The following NCALD variants were observed in gnomAD, a reference collection of about 807,000 sequenced individuals.
NCALD encodes neurocalcin-delta.
A neutral mutation model predicts 18.6 loss-of-function variants in NCALD; 10 were observed. That is an observed-to-expected ratio of 0.54 (90% CI 0.33 to 0.91). The LOEUF (loss-of-function observed/expected upper bound fraction) is 0.91, where lower values mean the gene tolerates loss of function less well. Among genes scored for constraint, NCALD ranks in the 40% least tolerant of loss-of-function variants. NCALD has a pLI of 0.03. For missense variants in NCALD, 184 were observed against 247.6 expected (o/e 0.74, Z 1.72); for synonymous variants, 88 against 87.4 (o/e 1.01, Z -0.04).
chr8:102,100,008 G>GAAAAAGAAAAAT (rs1197497475), intron 1 of NCALD, among the ~76,000 whole-genome samples: 1 of 147,888 alleles, frequency 6.8e-6, no homozygotes, highest in African/African-American at 2.5e-5. Context: ...AGAAGAAGAA[G>GAAAAAGAAAAAT]AAAAAGAAAT....
intron 4 of NCALD, among the ~76,000 whole-genome samples, chr8:101,859,998 GTTA>G (rs888415373): frequency 1.3e-5 from 2 of 152,178 alleles, no homozygotes; most frequent in Admixed American, 6.5e-5. Context: ...TACATGATAG[GTTA>G]TTATTTTTTA....
intron 1 of NCALD, among the ~76,000 whole-genome samples, chr8:101,784,042 A>T (rs1433627551): frequency 6.6e-6 from 1 of 152,074 alleles, no homozygotes; most frequent in African/African-American, 2.4e-5. Flanking sequence ...CCCAAATCTT[A>T]CGGGCTTAAA....
At chr8:102,057,643 A>G (rs1329314716) in intron 1 of NCALD, among the ~76,000 whole-genome samples, 2 of 152,258 alleles carry the variant, frequency 1.3e-5, no homozygotes, top group African/African-American at 4.8e-5. Flanking sequence ...CCATGCTTTC[A>G]CTATGTGACC....
At chr8:101,842,428 G>C (rs577870683) in intron 4 of NCALD, among the ~76,000 whole-genome samples, 12 of 152,236 alleles carry the variant, frequency 7.9e-5, no homozygotes, top group Non-Finnish European at 1.6e-4. Flanking sequence ...GAAATTAACA[G>C]TTCATTAAAA....
chr8:101,769,622 C>G (rs932501115), intron 1 of NCALD, among the ~76,000 whole-genome samples: 1 of 151,528 alleles, frequency 6.6e-6, no homozygotes, highest in African/African-American at 2.4e-5. Context: ...TTTCTTTCTT[C>G]CTTTTTTTTT....
intron 2 of NCALD, among the ~76,000 whole-genome samples, chr8:101,950,059 A>G (rs1222305696): frequency 6.6e-6 from 1 of 152,206 alleles, no homozygotes; most frequent in Non-Finnish European, 1.5e-5. Flanking sequence ...GACGTCAAGA[A>G]AGAGCCAGGT....
intron 2 of NCALD, among the ~76,000 whole-genome samples, chr8:101,945,476 G>T (rs556287443): frequency 6.6e-6 from 1 of 152,148 alleles, no homozygotes; most frequent in East Asian, 1.9e-4. Context: ...ATAATAGAAG[G>T]TCTCATGTAG....
intron 4 of NCALD, among the ~76,000 whole-genome samples, chr8:101,862,806 G>T (rs1165608647): frequency 1.3e-5 from 2 of 152,164 alleles, no homozygotes; most frequent in Non-Finnish European, 2.9e-5. Flanking sequence ...TGACTAAAGA[G>T]AAATTTTTCC....
chr8:101,813,701 G>A (rs1196258870), intron 4 of NCALD, among the ~76,000 whole-genome samples: 1 of 152,066 alleles, frequency 6.6e-6, no homozygotes, highest in Admixed American at 6.5e-5. Flanking sequence ...AGGCTTGAAT[G>A]ACATCACATC....
At chr8:101,876,466 G>A (rs886393346) in intron 4 of NCALD, among the ~76,000 whole-genome samples, 2 of 152,222 alleles carry the variant, frequency 1.3e-5, no homozygotes, top group African/African-American at 2.4e-5. Flanking sequence ...ATACTTGCTG[G>A]TAGTGAAAAT....
intron 2 of NCALD, among the ~76,000 whole-genome samples, chr8:101,966,128 C>G (rs1029798704): frequency 2.6e-5 from 4 of 151,046 alleles, no homozygotes; most frequent in Non-Finnish European, 1.5e-5. Context: ...TTAGATATTT[C>G]ACAAAATACA....
intron 2 of NCALD, among the ~76,000 whole-genome samples, chr8:101,975,826 CT>C (rs1360489929): frequency 2.0e-5 from 3 of 152,268 alleles, no homozygotes; most frequent in African/African-American, 7.2e-5. Flanking sequence ...TTTCTATCTT[CT>C]TTTTTACCTT....
chr8:101,903,322 G>A (rs1050684195), intron 3 of NCALD, among the ~76,000 whole-genome samples: 1 of 151,308 alleles, frequency 6.6e-6, no homozygotes, highest in Non-Finnish European at 1.5e-5. Context: ...TCAGCCTCCC[G>A]AGTAGCTGGG....
intron 2 of NCALD, among the ~76,000 whole-genome samples, chr8:101,928,133 CTTAA>C (rs977208939): frequency 1.9e-4 from 29 of 152,220 alleles, no homozygotes; most frequent in Admixed American, 7.2e-4. Flanking sequence ...CTTAACAGAA[CTTAA>C]TTAAATAACT....
intron 1 of NCALD, among the ~76,000 whole-genome samples, chr8:102,084,502 T>C (rs891159577): frequency 1.3e-5 from 2 of 151,742 alleles, no homozygotes; most frequent in Admixed American, 1.3e-4. Context: ...TGACCTGGAG[T>C]TTTATATGCT....
At chr8:101,857,329 T>G (rs955895528) in intron 4 of NCALD, among the ~76,000 whole-genome samples, 1 of 152,146 alleles carries the variant, frequency 6.6e-6, no homozygotes, top group African/African-American at 2.4e-5. Flanking sequence ...TGGCATGAAT[T>G]TCCAGCATGG....
At chr8:102,123,065 C>A (rs1403652167) in intron 1 of NCALD, among the ~76,000 whole-genome samples, 1 of 152,228 alleles carries the variant, frequency 6.6e-6, no homozygotes, top group African/African-American at 2.4e-5. Context: ...CCATAAAACA[C>A]GGGGATCTCC....
intron 4 of NCALD, among the ~76,000 whole-genome samples, chr8:101,864,843 A>T (rs478069): frequency 6.6e-6 from 1 of 151,844 alleles, no homozygotes; most frequent in Non-Finnish European, 1.5e-5. Context: ...TGATCCGCCC[A>T]TCTCAGCCTC....
intron 2 of NCALD, among the ~76,000 whole-genome samples, chr8:101,952,691 A>G (rs1165417687): frequency 6.6e-6 from 1 of 152,246 alleles, no homozygotes; most frequent in Non-Finnish European, 1.5e-5. Context: ...GCTAAGGAGA[A>G]AGATAGAAAC....
Sources: gnomAD v4.1 joint callset for allele counts (sites outside exome capture counted in the v4.1 genomes callset) on GRCh38, gnomAD v4.1.1 for gene constraint, MANE v1.5 for transcripts, NCBI Gene and HGNC (gene_info 2026-07-23, HGNC 2026-07-21) for gene names.